Variants in DYNC1I2 observed in about 807,000 individuals in gnomAD.
The protein encoded by DYNC1I2 is cytoplasmic dynein 1 intermediate chain 2.
In DYNC1I2, 53 loss-of-function variants were observed where a neutral mutation model predicts 88.6. That is an observed-to-expected ratio of 0.60 (90% CI 0.48 to 0.75). The LOEUF is 0.75. Among genes scored for constraint, DYNC1I2 ranks in the 30% least tolerant of loss-of-function variants. DYNC1I2 has a pLI of 0.00. For synonymous variants in DYNC1I2, 198 were observed against 254.6 expected (o/e 0.78, Z 2.12); for missense variants, 458 against 766.6 (o/e 0.60, Z 4.75).
chr2:171,747,541 C>G (rs1000936723), intron 17 of DYNC1I2, among the ~76,000 whole-genome samples: 1 of 152,102 alleles, frequency 6.6e-6, no homozygotes, highest in African/African-American at 2.4e-5. Flanking sequence ...TTCTCTCTTG[C>G]ATTGGTGGTG....
At chr2:171,733,766 TTG>T (rs201660890) in intron 15 of DYNC1I2, among the ~76,000 whole-genome samples, 70 of 135,942 alleles carry the variant, frequency 5.1e-4, no homozygotes, top group African/African-American at 1.1e-3. Flanking sequence ...AGGGGTTTTT[TTG>T]TTTTTGTTTT....
At chr2:171,722,046 A>G (rs761548131) in intron 7 of DYNC1I2, among the ~76,000 whole-genome samples, 1 of 152,172 alleles carries the variant, frequency 6.6e-6, no homozygotes, top group Non-Finnish European at 1.5e-5. Flanking sequence ...TGTAAAATGT[A>G]TCTTAAATGT....
chr2:171,716,651 G>A (rs145119159), intron 7 of DYNC1I2, among the ~76,000 whole-genome samples: 4 of 152,124 alleles, frequency 2.6e-5, no homozygotes, highest in East Asian at 1.9e-4. Context: ...GCTCACACCC[G>A]TACTAGCACT....
At chr2:171,730,683 TTTAAA>T (rs1415372488) in intron 15 of DYNC1I2, among the ~76,000 whole-genome samples, 4 of 152,222 alleles carry the variant, frequency 2.6e-5, no homozygotes, top group African/African-American at 9.6e-5. Context: ...TCTGATTCTA[TTTAAA>T]TTAAATTCTA....
rs548572767 is a variant in DYNC1I2 at position 171,733,137 on chromosome 2, T to A, written c.1536+3284T>A. On this transcript the variant is annotated intron_variant, in intron 15 of 17. Transcript: ENST00000397119. ...CATTGGTTTGCTAAGGATAATGGCCTCCAGCTTCATCAGTGTCCCCACATA... is the reference window on the plus strand; with the variant it reads ...CATTGGTTTGCTAAGGATAATGGCCACCAGCTTCATCAGTGTCCCCACATA... Among the ~76,000 whole-genome samples the A allele has an allele frequency of 2.6e-5, 4 of 152,346 alleles. No homozygotes were observed. The East Asian group carries it at 7.7e-4, about 29-fold the overall frequency.
chr2:171,718,978 C>G (rs1687722061), intron 7 of DYNC1I2, among the ~76,000 whole-genome samples: 1 of 152,192 alleles, frequency 6.6e-6, no homozygotes, highest in East Asian at 1.9e-4. Context: ...TGTGCTTTCT[C>G]TTGCCACTGA....
chr2:171,730,320 A>G (rs1688523626), intron 15 of DYNC1I2, among the ~76,000 whole-genome samples: 1 of 152,222 alleles, frequency 6.6e-6, no homozygotes, highest in Non-Finnish European at 1.5e-5. Flanking sequence ...TAATATGGCT[A>G]TATGTAGTAA....
rs562515044 is a variant in DYNC1I2 at position 171,692,113 on chromosome 2, G to T, written c.109-664G>T. 3.5e-4 allele frequency among the ~76,000 whole-genome samples: 53 copies of T among 152,238 alleles called. No homozygotes were observed. The South Asian group carries it at 7.0e-3, about 20-fold the overall frequency. ...CATAAAAAAAACTTTTCCTTGGAAAGCTTACATTTTACTTGAGAAGTCTTG... is the reference window on the plus strand; with the variant it reads ...CATAAAAAAAACTTTTCCTTGGAAATCTTACATTTTACTTGAGAAGTCTTG... On this transcript the variant is annotated intron_variant, in intron 2 of 17. Coordinates refer to ENST00000397119, the MANE Select transcript of DYNC1I2 (RefSeq NM_001378.3).
At position 171,747,169 on chromosome 2, in the gene DYNC1I2, G is replaced by A. The variant is rs181841746; in HGVS notation, c.1804-607G>A. Among the ~76,000 whole-genome samples the A allele has an allele frequency of 4.5e-3, 665 of 146,996 alleles. 7 individuals carry two copies. Among genetic ancestry groups the A allele is most frequent in the African/African-American group, 0.016 (624 of 39,924 alleles). On this transcript the variant is annotated intron_variant, in intron 17 of 17. Coordinates refer to ENST00000397119, the MANE Select transcript of DYNC1I2 (RefSeq NM_001378.3). ...AGATAGTGCCACTGCACTCCAGCCT[G>A]GGCAACAGAGTGGGACTGTCTCAAA... is the stretch of plus-strand genomic sequence containing the variant.
chr2:171,715,283 GT>G, intron 6 of DYNC1I2, 44 bp from the exon 7 acceptor site: 1 of 1,208,122 alleles, frequency 8.3e-7, no homozygotes, highest in Middle Eastern at 2.7e-4. Flanking sequence ...AAATAACATG[GT>G]TTGATGTAGT....
rs1459770824 is a variant in DYNC1I2 at position 171,729,752 on chromosome 2, A to G, written c.1435A>G (p.Ile479Val). 25 of 1,613,092 alleles carry G rather than the reference A, an allele frequency of 1.5e-5. No homozygotes were observed. Among genetic ancestry groups the G allele is most frequent in the African/African-American group, 5.3e-5 (4 of 74,926 alleles). ...SEMFEGHQGPITGIHCHAAVG... is the reference protein window; with the variant it reads ...SEMFEGHQGPVTGIHCHAAVG... The stretch of plus-strand genomic sequence containing the variant: ...GATGTTTGAGGGGCATCAAGGACCA[A>G]TCACTGGCATCCATTGTCATGCAGC... The change falls in exon 15 of 18, where the codon ATC becomes GTC. Residue 479 changes from isoleucine to valine, a missense_variant. Physicochemically the swap from Ile to Val is conservative, Grantham distance 29. Transcript: ENST00000397119.
rs374175602 is a variant in DYNC1I2, at chr2:171,706,691, T to G, written c.244+127T>G. The stretch of plus-strand genomic sequence containing the variant: ...TTTCACCCAAATTGCTGGAAACTAA[T>G]GAACATTTTAAAGGAGCCATTCCTT... On this transcript the variant is annotated intron_variant, in intron 4 of 17. Transcript: ENST00000397119. 4.1e-5 allele frequency: 34 copies of G among 827,708 alleles called. 2 individuals carry two copies. In the African/African-American group the frequency reaches 5.6e-4, roughly 14 times the overall value. 51.3% of individuals were successfully genotyped at this position (827,708 alleles called of 1,614,324 possible).
intron 6 of DYNC1I2, among the ~76,000 whole-genome samples, chr2:171,714,376 A>G (rs1687340105): frequency 6.6e-6 from 1 of 152,044 alleles, no homozygotes; most frequent in Non-Finnish European, 1.5e-5. Flanking sequence ...AAGAATATTT[A>G]TATAAGAAAA....
At chr2:171,699,023 G>A (rs1686004682) in intron 3 of DYNC1I2, among the ~76,000 whole-genome samples, 1 of 151,366 alleles carries the variant, frequency 6.6e-6, no homozygotes, top group African/African-American at 2.4e-5. Context: ...AAATAGATTA[G>A]CTAGGCTGGG....
At chr2:171,695,092 T>C (rs1554165) in intron 3 of DYNC1I2, among the ~76,000 whole-genome samples, 28,113 of 151,982 alleles carry the variant, frequency 0.18, 3,747 homozygotes, top group African/African-American at 0.37. Context: ...TGTTTGTTTA[T>C]TTGTTTGGTT....
rs755846327 is a variant in DYNC1I2, at chr2:171,728,711, A to C, written c.1258-6A>C. 6.3e-7 allele frequency: 1 copy of C among 1,575,156 alleles called. No homozygotes were observed. The highest frequency in any genetic ancestry group is 1.4e-5 in the African/African-American group (1 of 73,406). ...CAAACTAATTTTCTCAGGTTTTTCTATGTAGGATAGCATGGAGTTGGTTCA... is the reference window on the plus strand; with the variant it reads ...CAAACTAATTTTCTCAGGTTTTTCTCTGTAGGATAGCATGGAGTTGGTTCA... On this transcript the variant is annotated splice_polypyrimidine_tract_variant and splice_region_variant and intron_variant, in intron 13 of 17. Coordinates refer to ENST00000397119, the MANE Select transcript of DYNC1I2 (RefSeq NM_001378.3).
chr2:171,695,315 G>C (rs1444775561), intron 3 of DYNC1I2, among the ~76,000 whole-genome samples: 2 of 151,966 alleles, frequency 1.3e-5, no homozygotes, highest in Non-Finnish European at 2.9e-5. Flanking sequence ...TGGCCAGGCT[G>C]GTCTCGAACT....
chr2:171,727,286 T>A (rs1301769438), intron 11 of DYNC1I2, among the ~76,000 whole-genome samples: 1 of 152,152 alleles, frequency 6.6e-6, no homozygotes, highest in Non-Finnish European at 1.5e-5. Flanking sequence ...ACTGAATTAC[T>A]TATACATGGC....
chr2:171,696,646 A>G (rs1294181902), intron 3 of DYNC1I2, among the ~76,000 whole-genome samples: 1 of 152,076 alleles, frequency 6.6e-6, no homozygotes, highest in East Asian at 1.9e-4. Context: ...ATTTTTCTCT[A>G]TATAGGTAGC....
Sources: gnomAD v4.1 joint callset for allele counts (sites outside exome capture counted in the v4.1 genomes callset) on GRCh38, gnomAD v4.1.1 for gene constraint, MANE v1.5 for transcripts, NCBI Gene and HGNC (gene_info 2026-07-23, HGNC 2026-07-21) for gene names.